Variants in NBAS observed in about 807,000 individuals in gnomAD.
The protein encoded by NBAS is NAG/BC035112 fusion.
Under a neutral mutation model 302.5 loss-of-function variants are expected in NBAS, and 219 were observed. The observed-to-expected ratio is 0.72, with a 90% CI of 0.65 to 0.81. The LOEUF (loss-of-function observed/expected upper bound fraction) is 0.81. NBAS is among the 30% of genes least tolerant of loss of function. The pLI is 0.00. For synonymous variants in NBAS, 1,118 were observed against 1,021.6 expected, an observed-to-expected ratio of 1.09 and a Z score of -1.80; for missense variants, 2,932 against 2,841.6, an observed-to-expected ratio of 1.03 and a Z score of -0.72.
chr2:15,108,812 G>A, the NBAS span, among the ~76,000 whole-genome samples: 3 of 152,028 alleles, frequency 2.0e-5, no homozygotes, highest in Non-Finnish European at 2.9e-5. Context: ...CTGAGAAAGG[G>A]TTTTTACGTC....
chr2:14,850,024 C>T, the NBAS span, among the ~76,000 whole-genome samples: 63 of 138,652 alleles, frequency 4.5e-4, no homozygotes, highest in South Asian at 7.0e-3. Flanking sequence ...CATCAACTAA[C>T]GAGCAAAATA....
chr2:15,069,342 GA>G, the NBAS span, among the ~76,000 whole-genome samples: 2 of 152,200 alleles, frequency 1.3e-5, no homozygotes, highest in Non-Finnish European at 2.9e-5. Flanking sequence ...AGCGGCTTTG[GA>G]AATTGTCAGG....
chr2:14,945,019 C>T, the NBAS span, among the ~76,000 whole-genome samples: 3 of 152,174 alleles, frequency 2.0e-5, no homozygotes, highest in African/African-American at 7.2e-5. Flanking sequence ...GGAGGGCGAC[C>T]ATCCCCATCC....
intron 48 of NBAS, among the ~76,000 whole-genome samples, chr2:15,206,205 C>T (rs1319484389): frequency 6.6e-6 from 1 of 152,174 alleles, no homozygotes; most frequent in African/African-American, 2.4e-5. Flanking sequence ...AAAGGTCACT[C>T]TTGCTATGCT....
chr2:15,475,836 C>CT lies in NBAS; in HGVS notation c.1191dup (p.Asp398ArgfsTer30). On this transcript the variant is annotated frameshift_variant, in exon 14 of 52. Transcript: ENST00000281513. LOFTEE classifies it high-confidence loss of function. Reference sequence around the variant, plus strand: ...CATCGAGCTAAAGTCACTGCACTGTCTGCCCACCAATTGACATCTATCAGT... The same window carrying CT: ...CATCGAGCTAAAGTCACTGCACTGTCTTGCCCACCAATTGACATCTATCAGT... The CT allele has an allele frequency of 6.2e-7, 1 of 1,614,008 alleles. No homozygotes were observed. The highest frequency in any genetic ancestry group is 8.5e-7 in the Non-Finnish European group (1 of 1,179,940).
chr2:14,978,421 G>GA, the NBAS span, among the ~76,000 whole-genome samples: 3 of 152,076 alleles, frequency 2.0e-5, no homozygotes, highest in Non-Finnish European at 4.4e-5. Context: ...AACATATAAT[G>GA]ATTAATCAAT....
intron 28 of NBAS, among the ~76,000 whole-genome samples, chr2:15,385,367 T>C (rs1244201350): frequency 6.6e-6 from 1 of 152,226 alleles, no homozygotes; most frequent in African/African-American, 2.4e-5. Flanking sequence ...ATTCAATTTC[T>C]TACAGCCCAG....
the NBAS span, among the ~76,000 whole-genome samples, chr2:14,953,882 G>A: frequency 6.6e-6 from 1 of 152,190 alleles, no homozygotes; most frequent in Admixed American, 6.5e-5. Flanking sequence ...ATAACCATGA[G>A]AGGTGATGCT....
At chr2:15,041,905 A>G in the NBAS span, among the ~76,000 whole-genome samples, 1 of 151,924 alleles carries the variant, frequency 6.6e-6, no homozygotes, top group Admixed American at 6.6e-5. Context: ...GGATGGGGCC[A>G]TTTTCAGGCT....
At chr2:15,016,667 A>G in the NBAS span, among the ~76,000 whole-genome samples, 19 of 152,208 alleles carry the variant, frequency 1.2e-4, no homozygotes, top group Admixed American at 1.1e-3. Flanking sequence ...AATAGCCAAA[A>G]CAATCCTAAG....
In NBAS at chr2:15,561,137, C is replaced by T. The variant is rs377026737; in HGVS notation, c.117+51G>A. ...GTGGCTCCTGCTACGTGGCTCTACC[C>T]ACGAAGCGCCCGCGCCAAGCTGGCT... On this transcript the variant is annotated intron_variant, in intron 1 of 51. Transcript: ENST00000281513. 10 of 1,559,348 alleles carry T rather than the reference C, an allele frequency of 6.4e-6. No individual in the cohort carries two copies. In the African/African-American group the frequency reaches 1.4e-4, roughly 21 times the overall value.
At chr2:14,885,097 T>C in the NBAS span, among the ~76,000 whole-genome samples, 1 of 152,174 alleles carries the variant, frequency 6.6e-6, no homozygotes, top group African/African-American at 2.4e-5. Flanking sequence ...CATGAAAGAC[T>C]CTTAAAGATG....
At chr2:14,874,253 T>G in the NBAS span, among the ~76,000 whole-genome samples, 1 of 152,176 alleles carries the variant, frequency 6.6e-6, no homozygotes, top group Non-Finnish European at 1.5e-5. Context: ...ATTCTACATA[T>G]GTTTTTCCAA....
the NBAS span, among the ~76,000 whole-genome samples, chr2:14,956,483 T>G: frequency 6.6e-6 from 1 of 152,152 alleles, no homozygotes; most frequent in Non-Finnish European, 1.5e-5. Flanking sequence ...TAGTACCAAT[T>G]TACTGTATTA....
chr2:14,863,419 G>A, the NBAS span, among the ~76,000 whole-genome samples: 1 of 152,050 alleles, frequency 6.6e-6, no homozygotes, highest in Non-Finnish European at 1.5e-5. Context: ...CAGGGGAGGG[G>A]GTCACAAGGT....
At chr2:15,338,122 A>G (rs955312514) in intron 35 of NBAS, among the ~76,000 whole-genome samples, 5 of 152,228 alleles carry the variant, frequency 3.3e-5, no homozygotes, top group African/African-American at 1.2e-4. Flanking sequence ...GGATAGTGCC[A>G]TGTGTCAAGT....
rs150135158 is a variant in NBAS, at chr2:15,541,653, C to G, written c.380-2297G>C. Among the ~76,000 whole-genome samples, 758 of 152,074 alleles carry G rather than the reference C, an allele frequency of 5.0e-3. 9 individuals carry two copies. The highest frequency in any genetic ancestry group is 0.017 in the African/African-American group (703 of 41,460). On this transcript the variant is annotated intron_variant, in intron 6 of 51. Coordinates refer to ENST00000281513, the MANE Select transcript of NBAS (RefSeq NM_015909.4). ...AGCCTAACAAGATACTGCATACATT[C>G]TGGAACAGCCATTTTTGTAAGTGGG...
At chr2:15,126,149 G>A in the NBAS span, among the ~76,000 whole-genome samples, 13 of 152,124 alleles carry the variant, frequency 8.5e-5, no homozygotes, top group African/African-American at 3.1e-4. Flanking sequence ...GTTTATGTGA[G>A]ATCTTGTTGT....
chr2:15,177,299 C>T (rs1245515307), intron 51 of NBAS, among the ~76,000 whole-genome samples: 8 of 152,166 alleles, frequency 5.3e-5, no homozygotes, highest in Admixed American at 5.2e-4. Context: ...ATTAAAGGGA[C>T]TTGGGCACTG....
Sources: allele counts gnomAD v4.1 joint callset (sites outside exome capture counted in the v4.1 genomes callset), GRCh38; gene constraint gnomAD v4.1.1; transcripts MANE v1.5; gene names NCBI Gene and HGNC (gene_info 2026-07-23, HGNC 2026-07-21).